The following LYPLAL1 variants were observed in gnomAD, a reference collection of about 807,000 sequenced individuals.
LYPLAL1 encodes the protein lysophospholipase like 1.
A neutral mutation model predicts 19.7 loss-of-function variants in LYPLAL1; 23 were observed. The observed-to-expected ratio is 1.17, with a 90% CI of 0.84 to 1.65. LYPLAL1 has a LOEUF of 1.65. Ranked by LOEUF, LYPLAL1 falls within the 40% of genes most tolerant of loss-of-function variation. The pLI, the probability that LYPLAL1 is intolerant of heterozygous loss-of-function variation, is 0.00. For missense variants in LYPLAL1, 355 were observed against 279.4 expected (o/e 1.27, Z -1.93); for synonymous variants, 119 against 96.3 (o/e 1.24, Z -1.38).
chr1:219,208,431 A>T (rs1462701449), intron 3 of LYPLAL1, among the ~76,000 whole-genome samples: 1 of 152,052 alleles, frequency 6.6e-6, no homozygotes, highest in Non-Finnish European at 1.5e-5. Flanking sequence ...TAGTTTCCTT[A>T]ATGTTGTCTC....
chr1:219,293,104 C>T, the LYPLAL1 span, among the ~76,000 whole-genome samples: 1 of 152,120 alleles, frequency 6.6e-6, no homozygotes, highest in Non-Finnish European at 1.5e-5. Context: ...TCAAAGACTA[C>T]AAAATCAGTC....
the LYPLAL1 span, among the ~76,000 whole-genome samples, chr1:219,329,601 C>T: frequency 6.6e-6 from 1 of 152,136 alleles, no homozygotes; most frequent in East Asian, 1.9e-4. Context: ...TTTTATTATG[C>T]ATTTCAAAGA....
chr1:219,407,033 T>A, the LYPLAL1 span, among the ~76,000 whole-genome samples: 1 of 152,222 alleles, frequency 6.6e-6, no homozygotes, highest in Non-Finnish European at 1.5e-5. Context: ...CTTAATGATG[T>A]TGTTTCACAT....
the LYPLAL1 span, among the ~76,000 whole-genome samples, chr1:219,276,222 T>C: frequency 6.6e-6 from 1 of 152,328 alleles, no homozygotes; most frequent in East Asian, 1.9e-4. Context: ...TTGGACTCTT[T>C]TGGTGACAAT....
At chr1:219,287,250 C>T in the LYPLAL1 span, among the ~76,000 whole-genome samples, 2 of 152,130 alleles carry the variant, frequency 1.3e-5, no homozygotes, top group East Asian at 1.9e-4. Flanking sequence ...CCCGCCAATA[C>T]GTAAATAATT....
the LYPLAL1 span, among the ~76,000 whole-genome samples, chr1:219,283,341 C>T: frequency 6.6e-6 from 1 of 152,070 alleles, no homozygotes; most frequent in East Asian, 1.9e-4. Flanking sequence ...GGCAAAGAAA[C>T]AAATCTTCAT....
chr1:219,219,588 C>A, the LYPLAL1 span, among the ~76,000 whole-genome samples: 1 of 152,208 alleles, frequency 6.6e-6, no homozygotes, highest in Non-Finnish European at 1.5e-5. Flanking sequence ...TGCCCAGGGG[C>A]ATTCCTGTGC....
the LYPLAL1 span, among the ~76,000 whole-genome samples, chr1:219,383,736 T>C: frequency 6.6e-6 from 1 of 152,334 alleles, no homozygotes; most frequent in East Asian, 1.9e-4. Context: ...ACTTTCATAG[T>C]AGCATATATT....
the LYPLAL1 span, among the ~76,000 whole-genome samples, chr1:219,234,145 T>A: frequency 1.3e-5 from 2 of 152,212 alleles, no homozygotes; most frequent in African/African-American, 4.8e-5. Flanking sequence ...CCTTATAAGA[T>A]CATTTGAGAA....
chr1:219,257,436 A>G, the LYPLAL1 span, among the ~76,000 whole-genome samples: 1 of 131,162 alleles, frequency 7.6e-6, no homozygotes, highest in South Asian at 2.3e-4. Flanking sequence ...GGTTCTTTCT[A>G]TTTTCCCTAA....
At chr1:219,290,954 A>T in the LYPLAL1 span, among the ~76,000 whole-genome samples, 19 of 152,194 alleles carry the variant, frequency 1.2e-4, no homozygotes, top group African/African-American at 4.3e-4. Flanking sequence ...CCTGAGATCA[A>T]ATCCTATATC....
the LYPLAL1 span, among the ~76,000 whole-genome samples, chr1:219,249,735 TG>T: frequency 6.6e-5 from 10 of 152,188 alleles, no homozygotes; most frequent in African/African-American, 2.2e-4. Context: ...TAGCACTTGT[TG>T]TTTTGCTTTA....
At chr1:219,441,849 T>A in the LYPLAL1 span, among the ~76,000 whole-genome samples, 3 of 152,120 alleles carry the variant, frequency 2.0e-5, no homozygotes, top group Non-Finnish European at 2.9e-5. Context: ...TGCCATAGCT[T>A]CAAGGGAGTC....
chr1:219,419,584 CACACACACACAG>C, the LYPLAL1 span, among the ~76,000 whole-genome samples: 3 of 129,092 alleles, frequency 2.3e-5, no homozygotes, highest in East Asian at 6.2e-4. Flanking sequence ...CACACACACA[CACACACACACAG>C]AGAGAGAGAG....
chr1:219,362,373 G>A, the LYPLAL1 span, among the ~76,000 whole-genome samples: 1 of 152,166 alleles, frequency 6.6e-6, no homozygotes, highest in Admixed American at 6.5e-5. Flanking sequence ...TCCTTCAGCT[G>A]AGAGTTTAAA....
chr1:219,371,141 G>A, the LYPLAL1 span, among the ~76,000 whole-genome samples: 1 of 152,110 alleles, frequency 6.6e-6, no homozygotes, highest in African/African-American at 2.4e-5. Flanking sequence ...TATTTGTCAC[G>A]AAATATTGGT....
chr1:219,248,802 T>A, the LYPLAL1 span, among the ~76,000 whole-genome samples: 1 of 152,112 alleles, frequency 6.6e-6, no homozygotes, highest in African/African-American at 2.4e-5. Flanking sequence ...CATACTTCTT[T>A]AAAATATTAT....
the LYPLAL1 span, among the ~76,000 whole-genome samples, chr1:219,408,379 G>C: frequency 4.6e-5 from 7 of 152,268 alleles, no homozygotes; most frequent in East Asian, 1.2e-3. Context: ...AAATTTGGAT[G>C]CTGGCTGTGG....
the LYPLAL1 span, among the ~76,000 whole-genome samples, chr1:219,221,694 C>A: frequency 6.6e-6 from 1 of 152,140 alleles, no homozygotes; most frequent in Non-Finnish European, 1.5e-5. Context: ...CAGAGGCTCC[C>A]GTTGGCAACA....
Sources: gnomAD v4.1 joint callset for allele counts (sites outside exome capture counted in the v4.1 genomes callset) on GRCh38, gnomAD v4.1.1 for gene constraint, MANE v1.5 for transcripts, NCBI Gene and HGNC (gene_info 2026-07-23, HGNC 2026-07-21) for gene names.